NMT2: variants seen among roughly 807,000 people sequenced by gnomAD.
The protein encoded by NMT2 is glycylpeptide N-tetradecanoyltransferase 2.
NMT2 carries 35 observed loss-of-function variants against 65.4 expected under a neutral mutation model. That is an observed-to-expected ratio of 0.54 (90% CI 0.41 to 0.71). The LOEUF is 0.71. NMT2 is among the 30% of genes least tolerant of loss of function. NMT2 has a pLI of 0.00. For missense variants in NMT2, 489 were observed against 611.3 expected, an observed-to-expected ratio of 0.80 and a Z score of 2.11; for synonymous variants, 226 against 231.8, an observed-to-expected ratio of 0.98 and a Z score of 0.23.
chr10:15,134,522 G>T (rs561773313), intron 3 of NMT2, among the ~76,000 whole-genome samples: 1 of 152,256 alleles, frequency 6.6e-6, no homozygotes, highest in South Asian at 2.1e-4. Flanking sequence ...CAGTGTGGCC[G>T]CTCCTCCCCA....
intron 1 of NMT2, among the ~76,000 whole-genome samples, chr10:15,146,154 TCAGTTTTGC>T: frequency 6.6e-6 from 1 of 152,290 alleles, no homozygotes; most frequent in East Asian, 1.9e-4. Flanking sequence ...GAAAAGGCTC[TCAGTTTTGC>T]CACCTCTGAA....
intron 8 of NMT2, among the ~76,000 whole-genome samples, chr10:15,127,420 G>A (rs1403994027): frequency 8.1e-5 from 12 of 148,064 alleles, no homozygotes; most frequent in African/African-American, 1.2e-4. Flanking sequence ...GCTGGCGGGC[G>A]CCTATAGTCC....
intron 9 of NMT2, among the ~76,000 whole-genome samples, chr10:15,117,981 C>T (rs902026077): frequency 6.6e-6 from 1 of 152,142 alleles, no homozygotes; most frequent in African/African-American, 2.4e-5. Context: ...TATCAAACTA[C>T]CAGCAAGGTA....
At chr10:15,121,149 A>AT (rs945395282) in intron 8 of NMT2, among the ~76,000 whole-genome samples, 1 of 152,052 alleles carries the variant, frequency 6.6e-6, no homozygotes, top group Non-Finnish European at 1.5e-5. Flanking sequence ...TGTAAACCTG[A>AT]TTTTTCCCCC....
chr10:15,110,906 T>G (rs1434916003), intron 10 of NMT2, among the ~76,000 whole-genome samples: 1 of 152,130 alleles, frequency 6.6e-6, no homozygotes, highest in Non-Finnish European at 1.5e-5. Flanking sequence ...TTCTCCTGCC[T>G]CAAACTTCCT....
rs183291052 is a variant in NMT2 at position 15,124,533 on chromosome 10, A to G, written c.999+3817T>C. 1.6e-4 allele frequency among the ~76,000 whole-genome samples: 24 copies of G among 152,388 alleles called. 1 individual carries two copies. The highest frequency in any genetic ancestry group is 1.3e-3 in the Admixed American group (20 of 15,310). On this transcript the variant is annotated intron_variant, in intron 8 of 11. Transcript: ENST00000378165. ...CTCCTATATTCAAAAGTCCATGAAAAAGACAGAAAGCTGGCACTCCTACAA... is the reference window on the plus strand; with the variant it reads ...CTCCTATATTCAAAAGTCCATGAAAGAGACAGAAAGCTGGCACTCCTACAA...
At chr10:15,119,562 A>G (rs769353761) in intron 8 of NMT2, 49 bp from the exon 9 acceptor site, 2 of 1,553,082 alleles carry the variant, frequency 1.3e-6, no homozygotes, top group East Asian at 4.5e-5. Context: ...GTAGAAGAGG[A>G]GTGAAACGAC....
chr10:15,151,327 G>A (rs1394410783), intron 1 of NMT2, among the ~76,000 whole-genome samples: 1 of 152,164 alleles, frequency 6.6e-6, no homozygotes, highest in East Asian at 1.9e-4. Flanking sequence ...AAAGTGCTAG[G>A]ATTGTAGGTG....
At chr10:15,168,294 G>A (rs1175319635) in intron 1 of NMT2, 1 of 155,732 alleles carries the variant, frequency 6.4e-6, no homozygotes, top group South Asian at 7.9e-5. Flanking sequence ...CAGCCTCCCC[G>A]CCCACCCCGG....
chr10:15,146,544 T>C lies in NMT2; in HGVS notation c.111-4987A>G, dbSNP rs1056557535. ...CTGCCCAGAAACCCCTATGGGTGGC[T>C]TCTCCATGTCCTTCCTGTCCTTTGT... On this transcript the variant is annotated intron_variant, in intron 1 of 11. Coordinates refer to ENST00000378165, the MANE Select transcript of NMT2 (RefSeq NM_004808.3). 3.3e-5 allele frequency among the ~76,000 whole-genome samples: 5 copies of C among 152,306 alleles called. 1 individual carries two copies. In the East Asian group the frequency reaches 9.7e-4, roughly 29 times the overall value.
intron 1 of NMT2, among the ~76,000 whole-genome samples, chr10:15,156,565 C>T (rs1478027925): frequency 4.6e-5 from 7 of 152,058 alleles, no homozygotes; most frequent in Admixed American, 1.3e-4. Flanking sequence ...CAAGGCATGG[C>T]GTTTTTGCTT....
chr10:15,155,146 G>A, intron 1 of NMT2: 1 of 1,515,252 alleles, frequency 6.6e-7, no homozygotes, highest in Non-Finnish European at 9.1e-7. Flanking sequence ...TGACACAAAA[G>A]CCCTAGAATA....
intron 10 of NMT2, among the ~76,000 whole-genome samples, chr10:15,112,188 ATATATATATATATAT>A (rs1213279115): frequency 2.3e-4 from 2 of 8,664 alleles, no homozygotes; most frequent in East Asian, 2.6e-3. Flanking sequence ...ATATATATAT[ATATATATATATATAT>A]ATATATATAT....
chr10:15,127,340 G>A (rs912780914), intron 8 of NMT2, among the ~76,000 whole-genome samples: 2 of 151,634 alleles, frequency 1.3e-5, no homozygotes, highest in African/African-American at 4.9e-5. Context: ...AAGGTCAGGA[G>A]ATCAAGACTA....
chr10:15,112,692 G>A (rs911029152), intron 10 of NMT2, 104 bp downstream of exon 10: 18 of 1,092,060 alleles, frequency 1.6e-5, no homozygotes, highest in Admixed American at 5.7e-5. Flanking sequence ...TTAAAGTCTC[G>A]CATAAATTCC....
At chr10:15,162,232 A>C (rs952827306) in intron 1 of NMT2, among the ~76,000 whole-genome samples, 1 of 148,836 alleles carries the variant, frequency 6.7e-6, no homozygotes, top group African/African-American at 2.5e-5. Context: ...AGCCCAGATG[A>C]CAGAGTGAGA....
At chr10:15,127,550 A>G (rs1846119843) in intron 8 of NMT2, among the ~76,000 whole-genome samples, 1 of 90,772 alleles carries the variant, frequency 1.1e-5, no homozygotes, top group Non-Finnish European at 1.8e-5. Context: ...CCGTCTCAAA[A>G]AAAAAAAAAA....
At chr10:15,163,543 T>G (rs533908572) in intron 1 of NMT2, among the ~76,000 whole-genome samples, 1 of 152,308 alleles carries the variant, frequency 6.6e-6, no homozygotes, top group East Asian at 1.9e-4. Flanking sequence ...GTTAATCTAT[T>G]TTTCCATTTA....
At chr10:15,152,506 G>A (rs1006760283) in intron 1 of NMT2, among the ~76,000 whole-genome samples, 5 of 152,184 alleles carry the variant, frequency 3.3e-5, no homozygotes, top group African/African-American at 1.2e-4. Context: ...GGAAGTGACA[G>A]CAAAAAGTGA....
Sources: gnomAD v4.1 joint callset for allele counts (sites outside exome capture counted in the v4.1 genomes callset) on GRCh38, gnomAD v4.1.1 for gene constraint, MANE v1.5 for transcripts, NCBI Gene and HGNC (gene_info 2026-07-23, HGNC 2026-07-21) for gene names.